CHRM3: variants seen among roughly 807,000 people sequenced by gnomAD.
The protein encoded by CHRM3 is cholinergic receptor muscarinic 3.
A neutral mutation model predicts 41.8 loss-of-function variants in CHRM3; 11 were observed. The ratio of observed to expected loss-of-function variants is 0.26; its 90% CI spans 0.17 to 0.44. The LOEUF (loss-of-function observed/expected upper bound fraction) is 0.44. Among genes scored for constraint, CHRM3 ranks in the 20% least tolerant of loss-of-function variants. CHRM3 has a pLI of 1.00. For synonymous variants in CHRM3, 297 were observed against 301.4 expected, an observed-to-expected ratio of 0.99 and a Z score of 0.15; for missense variants, 571 against 745.4, an observed-to-expected ratio of 0.77 and a Z score of 2.72.
chr1:239,481,370 T>C lies in CHRM3; in HGVS notation c.-520-11339T>C, dbSNP rs372196507. ...TTTACTGCACTTTATTTATTTTTTT[T>C]ACTTCACTTTCCGTTAGCACTGTTT... On this transcript the variant is annotated intron_variant, in intron 1 of 6. Transcript: ENST00000676153. Among the ~76,000 whole-genome samples the C allele has an allele frequency of 1.8e-4, 27 of 152,348 alleles. No individual in the cohort carries two copies. The East Asian group carries it at 2.5e-3, about 14-fold the overall frequency.
At chr1:239,756,796 T>C (rs1251309528) in intron 5 of CHRM3, among the ~76,000 whole-genome samples, 1 of 152,144 alleles carries the variant, frequency 6.6e-6, no homozygotes, top group Non-Finnish European at 1.5e-5. Context: ...GTGCTGCCTC[T>C]TCTCATATTA....
intron 1 of CHRM3, among the ~76,000 whole-genome samples, chr1:239,392,777 G>A (rs1271153985): frequency 6.6e-6 from 1 of 152,174 alleles, no homozygotes; most frequent in Non-Finnish European, 1.5e-5. Context: ...GTAGGAAAAA[G>A]GAGCTGCTAA....
intron 6 of CHRM3, among the ~76,000 whole-genome samples, chr1:239,832,001 T>C (rs1180543588): frequency 1.3e-5 from 2 of 152,230 alleles, no homozygotes. Flanking sequence ...CACTTTTGCC[T>C]CAGTTGTCAT....
At chr1:239,818,034 A>G (rs563679128) in intron 5 of CHRM3, among the ~76,000 whole-genome samples, 2 of 152,312 alleles carry the variant, frequency 1.3e-5, no homozygotes, top group South Asian at 4.1e-4. Flanking sequence ...TTGTCACAAC[A>G]AAACACCACA....
intron 3 of CHRM3, among the ~76,000 whole-genome samples, chr1:239,548,036 C>T (rs1378962506): frequency 6.6e-6 from 1 of 151,944 alleles, no homozygotes; most frequent in Non-Finnish European, 1.5e-5. Context: ...GAAAATGTTT[C>T]ACAAAGTGAT....
intron 1 of CHRM3, among the ~76,000 whole-genome samples, chr1:239,469,729 G>A (rs761352728): frequency 6.6e-6 from 1 of 151,972 alleles, no homozygotes; most frequent in South Asian, 2.1e-4. Context: ...GCTAATTTTT[G>A]TACTTTTAGT....
chr1:239,775,143 A>G (rs980103973), intron 5 of CHRM3, among the ~76,000 whole-genome samples: 1 of 152,194 alleles, frequency 6.6e-6, no homozygotes, highest in Non-Finnish European at 1.5e-5. Context: ...GGCTAAAAAA[A>G]AAAGTTTGTT....
chr1:239,876,321 C>G (rs1478321834), intron 6 of CHRM3, among the ~76,000 whole-genome samples: 1 of 152,198 alleles, frequency 6.6e-6, no homozygotes, highest in African/African-American at 2.4e-5. Context: ...GTTAACACAA[C>G]ATTGCTATGG....
At chr1:239,791,507 G>A (rs1669349042) in intron 5 of CHRM3, among the ~76,000 whole-genome samples, 1 of 152,140 alleles carries the variant, frequency 6.6e-6, no homozygotes, top group Admixed American at 6.5e-5. Context: ...GTAGGATTGT[G>A]GCTACCTCTT....
chr1:239,445,187 T>C (rs994544488), intron 1 of CHRM3, among the ~76,000 whole-genome samples: 1 of 152,210 alleles, frequency 6.6e-6, no homozygotes, highest in Non-Finnish European at 1.5e-5. Flanking sequence ...GGAGAAAGAA[T>C]GAATACATGG....
chr1:239,408,748 A>C (rs984295109), intron 1 of CHRM3, among the ~76,000 whole-genome samples: 2 of 151,676 alleles, frequency 1.3e-5, no homozygotes, highest in African/African-American at 4.8e-5. Flanking sequence ...CAGACTCCCA[A>C]GTAGTTGGGA....
intron 5 of CHRM3, among the ~76,000 whole-genome samples, chr1:239,798,639 AC>A (rs1384918400): frequency 6.6e-6 from 1 of 152,168 alleles, no homozygotes; most frequent in African/African-American, 2.4e-5. Context: ...TCAACACTGT[AC>A]TGTCTTGGGG....
At chr1:239,738,672 A>T (rs1187758802) in intron 5 of CHRM3, among the ~76,000 whole-genome samples, 1 of 152,208 alleles carries the variant, frequency 6.6e-6, no homozygotes, top group Non-Finnish European at 1.5e-5. Flanking sequence ...AGCCCAGTCT[A>T]TACAGACCCA....
chr1:239,604,292 GT>G (rs539867320), intron 3 of CHRM3, among the ~76,000 whole-genome samples: 3 of 119,618 alleles, frequency 2.5e-5, no homozygotes, highest in African/African-American at 9.9e-5. Flanking sequence ...GGGAAACTAG[GT>G]TTTTTTTTTA....
chr1:239,718,527 A>G (rs1032760905), intron 5 of CHRM3, among the ~76,000 whole-genome samples: 3 of 152,012 alleles, frequency 2.0e-5, no homozygotes, highest in African/African-American at 7.2e-5. Context: ...TCCACCTGGT[A>G]CATGGAGTTT....
At chr1:239,628,798 C>T (rs2148852200) in intron 3 of CHRM3, among the ~76,000 whole-genome samples, 1 of 52,830 alleles carries the variant, frequency 1.9e-5, no homozygotes, top group Non-Finnish European at 3.5e-5. Flanking sequence ...GGGGGTGCCT[C>T]CCAGTTAGGC....
chr1:239,676,211 C>G (rs1284906059), intron 4 of CHRM3, among the ~76,000 whole-genome samples: 1 of 152,186 alleles, frequency 6.6e-6, no homozygotes, highest in East Asian at 1.9e-4. Flanking sequence ...AGGTGGACAT[C>G]ACAAGGCTTG....
intron 3 of CHRM3, among the ~76,000 whole-genome samples, chr1:239,552,124 A>G (rs1197929885): frequency 6.7e-6 from 1 of 149,842 alleles, no homozygotes; most frequent in Non-Finnish European, 1.5e-5. Flanking sequence ...ATTTCTTTCA[A>G]TATATATGTA....
chr1:239,578,576 G>A, intron 3 of CHRM3, among the ~76,000 whole-genome samples: 1 of 152,174 alleles, frequency 6.6e-6, no homozygotes, highest in East Asian at 1.9e-4. Flanking sequence ...GCATTTTAGT[G>A]TATAACCTCT....
Sources: gnomAD v4.1 joint callset for allele counts (sites outside exome capture counted in the v4.1 genomes callset) on GRCh38, gnomAD v4.1.1 for gene constraint, MANE v1.5 for transcripts, NCBI Gene and HGNC (gene_info 2026-07-23, HGNC 2026-07-21) for gene names.